BRDT: variants seen among roughly 807,000 people sequenced by gnomAD.
BRDT encodes the protein bromodomain testis-specific protein.
BRDT carries 77 observed loss-of-function variants against 113.9 expected under a neutral mutation model. The ratio of observed to expected loss-of-function variants is 0.68; its 90% CI spans 0.56 to 0.82. BRDT has a LOEUF of 0.82. BRDT is among the 40% of genes least tolerant of loss of function. BRDT has a pLI of 0.00. For missense variants in BRDT, 1,027 were observed against 1,105.4 expected, an observed-to-expected ratio of 0.93 and a Z score of 1.01; for synonymous variants, 358 against 366.5, an observed-to-expected ratio of 0.98 and a Z score of 0.26.
intron 1 of BRDT, among the ~76,000 whole-genome samples, chr1:91,954,267 C>G (rs552340558): frequency 7.2e-6 from 1 of 138,260 alleles, no homozygotes; most frequent in South Asian, 2.3e-4. Context: ...CCACGGTGCT[C>G]GGCATTTTTT....
chr1:92,002,174 C>T, intron 16 of BRDT, 25 bp downstream of exon 16: 1 of 1,531,914 alleles, frequency 6.5e-7, no homozygotes, highest in South Asian at 1.1e-5. Context: ...TTTTTTCTAA[C>T]AAATCTTGAA....
At position 91,962,797 on chromosome 1, in the gene BRDT, C is replaced by T. The variant is rs775526570; in HGVS notation, c.43C>T (p.Pro15Ser). ...ACAAACAGCTATTATTGTTAACCCT[C>T]CTCCACCAGAATATATAAATACTAA... ...SRQTAIIVNP[P>S]PPEYINTKKN... Residue 15 changes from proline (P) to serine (S), a missense_variant, in exon 2 of 19, where the codon CCT (proline) becomes TCT (serine). By Grantham distance (74) the Pro-to-Ser change is moderately conservative (BLOSUM62 -1). Coordinates refer to ENST00000399546, the MANE Select transcript of BRDT (RefSeq NM_207189.4). The T allele has an allele frequency of 2.2e-5, 36 of 1,607,088 alleles. No homozygotes were observed. The highest frequency in any genetic ancestry group is 2.5e-5 in the Non-Finnish European group (30 of 1,177,622).
intron 12 of BRDT, among the ~76,000 whole-genome samples, chr1:91,983,815 G>A (rs192878023): frequency 6.6e-6 from 1 of 151,846 alleles, no homozygotes; most frequent in African/African-American, 2.4e-5. Context: ...CCAAGTAGCT[G>A]GGATTACAAG....
At chr1:91,983,910 G>C (rs1684960802) in intron 12 of BRDT, among the ~76,000 whole-genome samples, 2 of 152,066 alleles carry the variant, frequency 1.3e-5, no homozygotes, top group African/African-American at 2.4e-5. Context: ...TTGAACTCCT[G>C]ACCTCAAGTA....
At chr1:92,009,545 CTTTT>C (rs59044630) in intron 18 of BRDT, among the ~76,000 whole-genome samples, 39 of 103,410 alleles carry the variant, frequency 3.8e-4, no homozygotes, top group Admixed American at 6.8e-4. Flanking sequence ...CAACTTGCCA[CTTTT>C]TTTTTTTTTT....
chr1:91,952,063 T>G (rs1169736710), intron 1 of BRDT: 5 of 152,188 alleles, frequency 3.3e-5, no homozygotes, highest in Non-Finnish European at 5.9e-5. Context: ...ATCCCCAAAT[T>G]CTAACTCAAT....
At chr1:91,951,087 C>T (rs1681025592) in intron 1 of BRDT, among the ~76,000 whole-genome samples, 1 of 151,998 alleles carries the variant, frequency 6.6e-6, no homozygotes, top group Admixed American at 6.6e-5. Flanking sequence ...CAGGCACTGT[C>T]ATGGCCAACT....
At chr1:91,955,867 T>TA (rs1407242239) in intron 1 of BRDT, among the ~76,000 whole-genome samples, 1 of 152,212 alleles carries the variant, frequency 6.6e-6, no homozygotes, top group East Asian at 1.9e-4. Context: ...GTGACAATGA[T>TA]ATCAGAATTA....
At chr1:92,012,748 T>TG (rs1268813323) in intron 18 of BRDT, among the ~76,000 whole-genome samples, 1 of 150,012 alleles carries the variant, frequency 6.7e-6, no homozygotes, top group African/African-American at 2.5e-5. Flanking sequence ...CCATCTCTAC[T>TG]AAAACTACAA....
At chr1:91,964,447 T>G (rs528799457) in intron 2 of BRDT, among the ~76,000 whole-genome samples, 180 bp from the exon 3 acceptor site, 142 of 152,324 alleles carry the variant, frequency 9.3e-4, no homozygotes, top group Non-Finnish European at 1.6e-3. Flanking sequence ...CCTCCTGCCT[T>G]GGCCTCCCGA....
chr1:91,955,894 G>A (rs928672958), intron 1 of BRDT, among the ~76,000 whole-genome samples: 1 of 152,124 alleles, frequency 6.6e-6, no homozygotes, highest in African/African-American at 2.4e-5. Context: ...AATGTTTGGT[G>A]CATTCATGTT....
intron 3 of BRDT, among the ~76,000 whole-genome samples, chr1:91,965,169 C>G (rs1682930559): frequency 6.6e-6 from 1 of 152,056 alleles, no homozygotes; most frequent in Non-Finnish European, 1.5e-5. Flanking sequence ...CCACCTCAGC[C>G]TCCCAAAGTT....
chr1:91,951,891 CAA>C (rs931894426), intron 1 of BRDT, among the ~76,000 whole-genome samples: 2 of 151,180 alleles, frequency 1.3e-5, no homozygotes, highest in African/African-American at 2.4e-5. Flanking sequence ...ACTAAAAATA[CAA>C]AAAAAATTAG....
At chr1:91,991,124 T>C in intron 12 of BRDT, 60 bp from the exon 13 acceptor site, 1 of 1,133,290 alleles carries the variant, frequency 8.8e-7, no homozygotes, top group East Asian at 2.8e-5. Context: ...ATGGAAAAAT[T>C]ATAACTTGGT....
At chr1:91,955,055 C>T (rs1416534655) in intron 1 of BRDT, among the ~76,000 whole-genome samples, 2 of 152,118 alleles carry the variant, frequency 1.3e-5, no homozygotes, top group East Asian at 3.9e-4. Context: ...TTTTCCCCTC[C>T]TTAAGGTGGC....
chr1:91,968,320 G>C, intron 4 of BRDT, 60 bp downstream of exon 4: 1 of 1,573,046 alleles, frequency 6.4e-7, no homozygotes, highest in Non-Finnish European at 8.6e-7. Context: ...TCTATCTCAT[G>C]TGTGTGTGTA....
At chr1:91,979,022 AC>A (rs2101662397) in intron 7 of BRDT, among the ~76,000 whole-genome samples, 3 of 148,864 alleles carry the variant, frequency 2.0e-5, no homozygotes, top group Non-Finnish European at 4.5e-5. Flanking sequence ...AACAACAACA[AC>A]AACAAAAAAA....
At chr1:91,971,241 C>T (rs1683603632) in intron 4 of BRDT, among the ~76,000 whole-genome samples, 1 of 152,138 alleles carries the variant, frequency 6.6e-6, no homozygotes, top group African/African-American at 2.4e-5. Flanking sequence ...ACACCTCCCA[C>T]ACCAGGCCCC....
intron 12 of BRDT, among the ~76,000 whole-genome samples, chr1:91,990,620 A>G (rs1208448737): frequency 6.6e-6 from 1 of 152,166 alleles, no homozygotes; most frequent in Non-Finnish European, 1.5e-5. Flanking sequence ...TTTTTGGCCT[A>G]AACATAATGT....
Sources: allele counts gnomAD v4.1 joint callset (sites outside exome capture counted in the v4.1 genomes callset), GRCh38; gene constraint gnomAD v4.1.1; transcripts MANE v1.5; gene names NCBI Gene and HGNC (gene_info 2026-07-23, HGNC 2026-07-21).